Variants in EEPD1 observed in about 807,000 individuals in gnomAD.
EEPD1 encodes the protein endonuclease/exonuclease/phosphatase family domain-containing protein 1.
A neutral mutation model predicts 46.3 loss-of-function variants in EEPD1; 17 were observed. The observed-to-expected ratio is 0.37, with a 90% CI of 0.25 to 0.55. The LOEUF (loss-of-function observed/expected upper bound fraction) is 0.55, where lower values mean the gene tolerates loss of function less well. EEPD1 is among the 20% of genes least tolerant of loss of function. The probability of loss-of-function intolerance (pLI) is 0.83; values close to 1 mark genes in which losing one functional copy is unlikely to be tolerated. For missense variants in EEPD1, 673 were observed against 745.6 expected, an observed-to-expected ratio of 0.90 and a Z score of 1.13; for synonymous variants, 313 against 315.6, an observed-to-expected ratio of 0.99 and a Z score of 0.09.
At chr7:36,234,939 G>GGCCTCCAGCCCAGGCCTCCCCCATA (rs1260018646) in intron 2 of EEPD1, among the ~76,000 whole-genome samples, 3 of 54,744 alleles carry the variant, frequency 5.5e-5, no homozygotes, top group African/African-American at 2.0e-4. Context: ...CCTCCCCCAT[G>GGCCTCCAGCCCAGGCCTCCCCCATA]GCCTCCAGCC....
chr7:36,248,656 C>G (rs575265634), intron 3 of EEPD1, among the ~76,000 whole-genome samples: 1 of 151,946 alleles, frequency 6.6e-6, no homozygotes, highest in South Asian at 2.1e-4. Flanking sequence ...TGAATACCAC[C>G]TTGAGTGATC....
At chr7:36,210,491 G>A (rs1260349792) in intron 2 of EEPD1, among the ~76,000 whole-genome samples, 1 of 152,094 alleles carries the variant, frequency 6.6e-6, no homozygotes. Context: ...CCTTCAGCTT[G>A]TTCCCTGCAT....
chr7:36,235,156 T>A (rs1786411311), intron 2 of EEPD1, among the ~76,000 whole-genome samples: 1 of 131,852 alleles, frequency 7.6e-6, no homozygotes, highest in Non-Finnish European at 1.6e-5. Context: ...AGCCCAGGCC[T>A]CCCCTACAGC....
chr7:36,230,816 G>A (rs751733952), intron 2 of EEPD1: 1 of 152,214 alleles, frequency 6.6e-6, no homozygotes, highest in Non-Finnish European at 1.5e-5. Context: ...GGAGTGCCTC[G>A]TGCATACTGC....
chr7:36,258,887 A>G (rs1423265011), intron 3 of EEPD1, among the ~76,000 whole-genome samples: 1 of 118,088 alleles, frequency 8.5e-6, no homozygotes, highest in East Asian at 2.8e-4. Context: ...TGGGGTATGA[A>G]AAAAAAAAAA....
intron 2 of EEPD1, among the ~76,000 whole-genome samples, chr7:36,234,055 T>C (rs920246642): frequency 2.6e-5 from 4 of 152,088 alleles, no homozygotes; most frequent in Non-Finnish European, 4.4e-5. Flanking sequence ...GTAGCTGGGA[T>C]TACAGGCGCC....
At chr7:36,235,516 C>T (rs977320574) in intron 2 of EEPD1, among the ~76,000 whole-genome samples, 1 of 152,258 alleles carries the variant, frequency 6.6e-6, no homozygotes, top group Non-Finnish European at 1.5e-5. Flanking sequence ...TGGCTGGGCC[C>T]GGCTCCCCTC....
chr7:36,222,323 G>T (rs1350087402), intron 2 of EEPD1, among the ~76,000 whole-genome samples: 2 of 152,200 alleles, frequency 1.3e-5, no homozygotes, highest in Non-Finnish European at 2.9e-5. Context: ...TAGTCATTAA[G>T]TGTAGTGGAT....
intron 7 of EEPD1, 124 bp from the exon 8 acceptor site, chr7:36,298,882 GA>G: frequency 9.3e-7 from 1 of 1,074,282 alleles, no homozygotes; most frequent in African/African-American, 1.6e-5. Context: ...CCAGCTACCT[GA>G]GGCAGCCTCT....
At chr7:36,283,703 C>A (rs938205779) in intron 4 of EEPD1, among the ~76,000 whole-genome samples, 2 of 152,200 alleles carry the variant, frequency 1.3e-5, no homozygotes, top group Admixed American at 6.5e-5. Flanking sequence ...ACAATACATT[C>A]ATTCCCTCCC....
intron 2 of EEPD1, among the ~76,000 whole-genome samples, chr7:36,200,305 A>G (rs185708684): frequency 1.3e-5 from 2 of 152,190 alleles, no homozygotes; most frequent in East Asian, 1.9e-4. Context: ...TGCCAAGGAC[A>G]TGATCTTATT....
chr7:36,160,802 G>GT (rs948889596), intron 2 of EEPD1, among the ~76,000 whole-genome samples: 1 of 152,172 alleles, frequency 6.6e-6, no homozygotes, highest in Non-Finnish European at 1.5e-5. Context: ...CCTTTTAGAG[G>GT]TAAAAACTGG....
At chr7:36,234,361 T>C (rs775721060) in intron 2 of EEPD1, among the ~76,000 whole-genome samples, 1 of 152,154 alleles carries the variant, frequency 6.6e-6, no homozygotes, top group Non-Finnish European at 1.5e-5. Flanking sequence ...TTCTATAAAT[T>C]AAGGTGAACT....
At chr7:36,165,576 C>T (rs567197881) in intron 2 of EEPD1, among the ~76,000 whole-genome samples, 70 of 97,420 alleles carry the variant, frequency 7.2e-4, no homozygotes, top group Middle Eastern at 0.011. Flanking sequence ...CCTGCCACCA[C>T]GCCCCAGCTA....
At chr7:36,294,567 G>A (rs1295962246) in intron 6 of EEPD1, among the ~76,000 whole-genome samples, 2 of 152,122 alleles carry the variant, frequency 1.3e-5, no homozygotes, top group Non-Finnish European at 2.9e-5. Context: ...GTGGGTATTC[G>A]TTTGATTTTG....
intron 2 of EEPD1, among the ~76,000 whole-genome samples, chr7:36,181,570 G>A (rs915561958): frequency 3.3e-5 from 5 of 152,194 alleles, no homozygotes; most frequent in Non-Finnish European, 7.3e-5. Context: ...CCTGTATTCT[G>A]TGGCTCCCTC....
intron 5 of EEPD1, among the ~76,000 whole-genome samples, chr7:36,285,617 C>T (rs1363415371): frequency 6.6e-6 from 1 of 152,190 alleles, no homozygotes; most frequent in Non-Finnish European, 1.5e-5. Flanking sequence ...GAGCCTTATC[C>T]CCGTGGTCCT....
intron 2 of EEPD1, among the ~76,000 whole-genome samples, chr7:36,176,946 T>C (rs1175115130): frequency 6.6e-6 from 1 of 152,208 alleles, no homozygotes; most frequent in Non-Finnish European, 1.5e-5. Context: ...CAAACATGAT[T>C]AAATGTATGT....
intron 2 of EEPD1, among the ~76,000 whole-genome samples, chr7:36,226,917 A>G (rs1477203530): frequency 6.6e-6 from 1 of 152,200 alleles, no homozygotes; most frequent in Non-Finnish European, 1.5e-5. Context: ...AAAATTGGAG[A>G]AAGGAATTAA....
Sources: gnomAD v4.1 joint callset for allele counts (sites outside exome capture counted in the v4.1 genomes callset) on GRCh38, gnomAD v4.1.1 for gene constraint, MANE v1.5 for transcripts, NCBI Gene and HGNC (gene_info 2026-07-23, HGNC 2026-07-21) for gene names.